The following MAGI3 variants were observed in gnomAD, a reference collection of about 807,000 sequenced individuals.
The protein encoded by MAGI3 is membrane-associated guanylate kinase, WW and PDZ domain-containing protein 3.
MAGI3 carries 43 observed loss-of-function variants against 121.8 expected under a neutral mutation model. The observed-to-expected ratio is 0.35, with a 90% CI of 0.28 to 0.46. The LOEUF is 0.46. Ranked by LOEUF, MAGI3 falls within the 20% of genes least tolerant of loss-of-function variation. The probability of loss-of-function intolerance (pLI) is 1.00; values close to 1 mark genes in which losing one functional copy is unlikely to be tolerated. For synonymous variants in MAGI3, 553 were observed against 639.3 expected (o/e 0.86, Z 2.04); for missense variants, 1,547 against 1,797.3 (o/e 0.86, Z 2.52).
rs921445260 is a variant in MAGI3 at position 113,411,613 on chromosome 1, G to A, written c.316+20264G>A. ...ATTAAAAAACTGCTGAATTAAATAA[G>A]CTACACATTTTGCTGGAAATTAAAC... On this transcript the variant is annotated intron_variant, in intron 1 of 20. Coordinates refer to ENST00000307546, the MANE Select transcript of MAGI3 (RefSeq NM_001142782.2). Among the ~76,000 whole-genome samples, 3 of 151,786 alleles carry A rather than the reference G, an allele frequency of 2.0e-5. No homozygotes were observed. The South Asian group carries it at 6.2e-4, about 31-fold the overall frequency.
At chr1:113,399,156 T>C (rs1418722206) in intron 1 of MAGI3, among the ~76,000 whole-genome samples, 2 of 152,120 alleles carry the variant, frequency 1.3e-5, no homozygotes, top group African/African-American at 4.8e-5. Context: ...TGAAGGTAGC[T>C]CTGAACCCCG....
At chr1:113,521,549 G>A (rs1310464273) in intron 1 of MAGI3, among the ~76,000 whole-genome samples, 2 of 151,860 alleles carry the variant, frequency 1.3e-5, no homozygotes, top group Non-Finnish European at 2.9e-5. Flanking sequence ...GGGACTACAG[G>A]TGCCCGCCAC....
chr1:113,603,768 TCAAA>T (rs1557847394), intron 6 of MAGI3, among the ~76,000 whole-genome samples: 3 of 151,894 alleles, frequency 2.0e-5, no homozygotes, highest in Non-Finnish European at 4.4e-5. Context: ...TACAAGGAAC[TCAAA>T]CAAGTCAGAA....
intron 9 of MAGI3, among the ~76,000 whole-genome samples, chr1:113,636,823 TG>T (rs1217316507): frequency 6.6e-6 from 1 of 151,954 alleles, no homozygotes; most frequent in African/African-American, 2.4e-5. Flanking sequence ...ATGTTGACAG[TG>T]GGGTGTTAAA....
chr1:113,565,084 A>G (rs1227674917), intron 2 of MAGI3, among the ~76,000 whole-genome samples: 5 of 152,006 alleles, frequency 3.3e-5, no homozygotes, highest in African/African-American at 9.7e-5. Flanking sequence ...TCCTGACCTC[A>G]GGTGATCCGC....
intron 1 of MAGI3, among the ~76,000 whole-genome samples, chr1:113,484,254 T>G (rs886441235): frequency 3.0e-4 from 46 of 152,300 alleles, no homozygotes; most frequent in African/African-American, 8.2e-4. Flanking sequence ...TTTTCTAAAT[T>G]TTTTTATTTC....
intron 7 of MAGI3, among the ~76,000 whole-genome samples, chr1:113,615,098 T>C (rs1650376109): frequency 1.3e-5 from 2 of 152,306 alleles, no homozygotes; most frequent in Non-Finnish European, 2.9e-5. Flanking sequence ...GTGTGCTCTC[T>C]TTTAAGGAGT....
chr1:113,615,878 C>A (rs1362665680), intron 7 of MAGI3, among the ~76,000 whole-genome samples: 2 of 152,102 alleles, frequency 1.3e-5, no homozygotes, highest in Non-Finnish European at 2.9e-5. Context: ...GAAGAAACAA[C>A]CATTTTTCAC....
At chr1:113,538,221 G>A (rs190088999) in intron 1 of MAGI3, among the ~76,000 whole-genome samples, 1 of 152,162 alleles carries the variant, frequency 6.6e-6, no homozygotes, top group South Asian at 2.1e-4. Context: ...CCTTTCAGCT[G>A]TCTCTTTATT....
intron 1 of MAGI3, among the ~76,000 whole-genome samples, chr1:113,411,486 T>TAG (rs1219057940): frequency 6.6e-6 from 1 of 152,104 alleles, no homozygotes; most frequent in Non-Finnish European, 1.5e-5. Flanking sequence ...GATTTTCATA[T>TAG]GTATTCTGGT....
chr1:113,613,085 CA>C (rs1280719462), intron 6 of MAGI3, among the ~76,000 whole-genome samples: 1 of 152,024 alleles, frequency 6.6e-6, no homozygotes, highest in Non-Finnish European at 1.5e-5. Context: ...CAGATATATT[CA>C]AAAAAATTAC....
chr1:113,681,545 G>GAAATTAAATTTAAAT (rs1648217105), intron 20 of MAGI3, among the ~76,000 whole-genome samples: 1 of 152,184 alleles, frequency 6.6e-6, no homozygotes, highest in Non-Finnish European at 1.5e-5. Flanking sequence ...GGAATGGAAT[G>GAAATTAAATTTAAAT]TATTTTAAAT....
chr1:113,507,231 A>G (rs1241499409), intron 1 of MAGI3, among the ~76,000 whole-genome samples: 1 of 152,160 alleles, frequency 6.6e-6, no homozygotes, highest in Non-Finnish European at 1.5e-5. Context: ...TAGCTGCTGT[A>G]GCTGTTTTAC....
chr1:113,551,231 G>A (rs1659775805), intron 2 of MAGI3, among the ~76,000 whole-genome samples: 1 of 152,122 alleles, frequency 6.6e-6, no homozygotes, highest in Admixed American at 6.5e-5. Flanking sequence ...GATTTAAAAT[G>A]AGAGCATATA....
chr1:113,598,332 A>C (rs1302625227), intron 6 of MAGI3, among the ~76,000 whole-genome samples: 2 of 151,836 alleles, frequency 1.3e-5, no homozygotes, highest in African/African-American at 4.8e-5. Flanking sequence ...CTTATATCTC[A>C]ATATTAATGT....
At chr1:113,546,571 A>G (rs1044601179) in intron 1 of MAGI3, among the ~76,000 whole-genome samples, 3 of 151,822 alleles carry the variant, frequency 2.0e-5, no homozygotes, top group African/African-American at 7.3e-5. Context: ...TCCTGACCTC[A>G]AGTAATCCAA....
chr1:113,461,942 T>C (rs998051430), intron 1 of MAGI3, among the ~76,000 whole-genome samples: 3 of 152,020 alleles, frequency 2.0e-5, no homozygotes, highest in African/African-American at 4.8e-5. Context: ...AAGACATACA[T>C]GAGGCCAACA....
rs1177640020 is a variant in MAGI3 at position 113,422,750 on chromosome 1, G to C, written c.316+31401G>C. Among the ~76,000 whole-genome samples the C allele has an allele frequency of 6.6e-6, 1 of 152,212 alleles. No homozygotes were observed. Among genetic ancestry groups the C allele is most frequent in the Non-Finnish European group, 1.5e-5 (1 of 68,028 alleles). On this transcript the variant is annotated intron_variant, in intron 1 of 20. Coordinates refer to ENST00000307546, the MANE Select transcript of MAGI3 (RefSeq NM_001142782.2). The surrounding 1 kb of genome is among the most constrained non-coding windows in gnomAD (Gnocchi z 4.3). ...GAACAGCAGAACCCTATTGCCCTCA[G>C]TGTGGCGAGTGGGGGAGGCATGTTT...
chr1:113,653,244 A>G (rs535190296), intron 14 of MAGI3, among the ~76,000 whole-genome samples: 2 of 152,338 alleles, frequency 1.3e-5, no homozygotes, highest in Non-Finnish European at 2.9e-5. Flanking sequence ...GTTTCATTAA[A>G]ATTATTGGTC....
Sources: gnomAD v4.1 joint callset for allele counts (sites outside exome capture counted in the v4.1 genomes callset) on GRCh38, gnomAD v4.1.1 for gene constraint, Gnocchi (gnomAD v3.1) non-coding constraint, MANE v1.5 for transcripts, NCBI Gene and HGNC (gene_info 2026-07-23, HGNC 2026-07-21) for gene names.